AFAP1: variants seen among roughly 807,000 people sequenced by gnomAD.
The protein encoded by AFAP1 is actin filament associated protein 1, also known as actin filament-associated protein 1.
AFAP1 carries 75 observed loss-of-function variants against 93.9 expected under a neutral mutation model. The ratio of observed to expected loss-of-function variants is 0.80; its 90% CI spans 0.66 to 0.97. AFAP1 has a LOEUF of 0.97. Among genes scored for constraint, AFAP1 ranks in the 50% least tolerant of loss-of-function variants. The pLI, the probability that AFAP1 is intolerant of heterozygous loss-of-function variation, is 0.00. For missense variants in AFAP1, 1,201 were observed against 1,050.8 expected (o/e 1.14, Z -1.98); for synonymous variants, 517 against 430.7 (o/e 1.20, Z -2.48).
intron 11 of AFAP1, among the ~76,000 whole-genome samples, chr4:7,790,958 G>C (rs1717811884): frequency 6.6e-6 from 1 of 152,182 alleles, no homozygotes; most frequent in African/African-American, 2.4e-5. Flanking sequence ...CATGTGGCTT[G>C]AGTCCTAAAA....
At chr4:7,924,670 C>A (rs1720626930) in intron 1 of AFAP1, among the ~76,000 whole-genome samples, 2 of 152,108 alleles carry the variant, frequency 1.3e-5, no homozygotes, top group South Asian at 4.1e-4. Context: ...ACAGACCATG[C>A]CTGACCATGT....
At chr4:7,809,260 C>G (rs1030142740) in intron 9 of AFAP1, among the ~76,000 whole-genome samples, 38 of 151,138 alleles carry the variant, frequency 2.5e-4, no homozygotes, top group African/African-American at 7.8e-4. Flanking sequence ...AAAGAACTGG[C>G]CTTAGTTCTG....
intron 17 of AFAP1, among the ~76,000 whole-genome samples, chr4:7,766,217 G>A (rs929909409): frequency 5.9e-5 from 9 of 152,172 alleles, no homozygotes; most frequent in African/African-American, 2.2e-4. Flanking sequence ...GGGTAGCTGG[G>A]TACGCTTCGT....
intron 9 of AFAP1, among the ~76,000 whole-genome samples, chr4:7,805,094 C>A (rs1019865319): frequency 6.6e-6 from 1 of 152,122 alleles, no homozygotes; most frequent in African/African-American, 2.4e-5. Flanking sequence ...TGAGGTGGGG[C>A]CTTGCTATGT....
intron 9 of AFAP1, among the ~76,000 whole-genome samples, chr4:7,808,512 GACCAAAAGGTAGCTGCTCAAAGA>G (rs1284429594): frequency 0.15 from 1,193 of 7,968 alleles, 21 homozygotes; most frequent in Middle Eastern, 0.29. Flanking sequence ...GCTCAAAGAT[GACCAAAAGGTAGCTGCTCAAAGA>G]TGACTTACTG....
At chr4:7,861,982 T>C (rs934959719) in intron 3 of AFAP1, 2 of 152,222 alleles carry the variant, frequency 1.3e-5, no homozygotes, top group Non-Finnish European at 2.9e-5. Flanking sequence ...ACTGTGAAGG[T>C]ACCTGAGAAA....
At chr4:7,871,639 G>A (rs1717057541) in intron 2 of AFAP1, among the ~76,000 whole-genome samples, 1 of 152,170 alleles carries the variant, frequency 6.6e-6, no homozygotes, top group African/African-American at 2.4e-5. Context: ...CGGCTGCAGT[G>A]CGTCCTGCAC....
At chr4:7,815,792 C>T (rs1470248323) in intron 8 of AFAP1, among the ~76,000 whole-genome samples, 1 of 152,134 alleles carries the variant, frequency 6.6e-6, no homozygotes, top group East Asian at 1.9e-4. Context: ...AGATGGCAAC[C>T]TCGGCCAAGG....
intron 10 of AFAP1, among the ~76,000 whole-genome samples, chr4:7,798,415 C>G (rs558883313): frequency 1.9e-4 from 28 of 150,096 alleles, no homozygotes; most frequent in African/African-American, 5.2e-4. Context: ...AGCACTGCAA[C>G]TCTATTGGCT....
intron 1 of AFAP1, among the ~76,000 whole-genome samples, chr4:7,928,413 T>C (rs570249184): frequency 3.3e-5 from 5 of 151,938 alleles, no homozygotes; most frequent in Non-Finnish European, 7.4e-5. Flanking sequence ...TTTGAGACAG[T>C]CTCTCTCTCT....
chr4:7,902,525 A>C (rs1389270968), intron 1 of AFAP1, among the ~76,000 whole-genome samples: 3 of 152,148 alleles, frequency 2.0e-5, no homozygotes, highest in Non-Finnish European at 2.9e-5. Flanking sequence ...CCTTGTTCTA[A>C]AGTTGCTGTT....
At chr4:7,908,820 A>G (rs1326393319) in intron 1 of AFAP1, among the ~76,000 whole-genome samples, 2 of 152,210 alleles carry the variant, frequency 1.3e-5, no homozygotes, top group East Asian at 1.9e-4. Context: ...TTCGTATAGC[A>G]TAAGATCATC....
chr4:7,890,007 A>T (rs1718364103), intron 1 of AFAP1, among the ~76,000 whole-genome samples: 1 of 146,810 alleles, frequency 6.8e-6, no homozygotes, highest in African/African-American at 2.6e-5. Context: ...TTTTTGTTAA[A>T]AAAAAAAAAA....
chr4:7,769,607 T>G (rs867951872), intron 16 of AFAP1, among the ~76,000 whole-genome samples: 1 of 151,824 alleles, frequency 6.6e-6, no homozygotes, highest in Non-Finnish European at 1.5e-5. Flanking sequence ...GAGGCCCCCA[T>G]TGCTGGCTCT....
chr4:7,913,846 C>T (rs187915516), intron 1 of AFAP1, among the ~76,000 whole-genome samples: 43 of 152,298 alleles, frequency 2.8e-4, no homozygotes, highest in African/African-American at 9.4e-4. Flanking sequence ...AAAAAGCTAG[C>T]TGCTTCATAG....
intron 6 of AFAP1, among the ~76,000 whole-genome samples, chr4:7,822,748 CTAA>C (rs1487975464): frequency 9.9e-6 from 1 of 101,058 alleles, no homozygotes; most frequent in South Asian, 3.7e-4. Flanking sequence ...CTGCGCCCGG[CTAA>C]TTTTTTTTTT....
intron 6 of AFAP1, among the ~76,000 whole-genome samples, chr4:7,831,588 G>A (rs1302549945): frequency 2.6e-5 from 4 of 152,220 alleles, no homozygotes; most frequent in Middle Eastern, 3.4e-3. Context: ...GCGCACTGTC[G>A]GCTCTACGCC....
chr4:7,816,020 T>C lies in AFAP1; in HGVS notation c.902A>G (p.Gln301Arg), dbSNP rs752780824. Residue 301 changes from glutamine to arginine, a missense_variant and splice_region_variant, in exon 8 of 18, where the codon CAA (glutamine) becomes CGA (arginine). Coordinates refer to ENST00000420658, the MANE Select transcript of AFAP1 (RefSeq NM_001134647.2). ...NGITTCNGKE[Q>R]VKRKKSSKSE... ...TTTTTGGCACAAGCAGAACTCACCT[T>C]GCTCCTTTCCATTACATGTGGTAAT... 1 of 1,612,086 alleles carries C rather than the reference T, an allele frequency of 6.2e-7. No homozygotes were observed. Among genetic ancestry groups the C allele is most frequent in the South Asian group, 1.1e-5 (1 of 90,912 alleles).
intron 6 of AFAP1, among the ~76,000 whole-genome samples, chr4:7,822,347 A>G (rs1264806272): frequency 6.6e-6 from 1 of 152,168 alleles, no homozygotes; most frequent in Non-Finnish European, 1.5e-5. Context: ...ACAAATGTGA[A>G]GTATCCAGCC....
Sources: gnomAD v4.1 joint callset for allele counts (sites outside exome capture counted in the v4.1 genomes callset) on GRCh38, gnomAD v4.1.1 for gene constraint, MANE v1.5 for transcripts, NCBI Gene and HGNC (gene_info 2026-07-23, HGNC 2026-07-21) for gene names.